The following ATP9B variants were observed in gnomAD, a reference collection of about 807,000 sequenced individuals.
The protein encoded by ATP9B is probable phospholipid-transporting ATPase IIB.
Under a neutral mutation model 146.1 loss-of-function variants are expected in ATP9B, and 110 were observed. The observed-to-expected ratio is 0.75, with a 90% confidence interval of 0.65 to 0.88. ATP9B has a LOEUF of 0.88. ATP9B is among the 40% of genes least tolerant of loss of function. The probability of loss-of-function intolerance (pLI) is 0.00; values close to 1 mark genes in which losing one functional copy is unlikely to be tolerated. For missense variants in ATP9B, 1,499 were observed against 1,496.4 expected (o/e 1.00, Z -0.03); for synonymous variants, 604 against 569.7 (o/e 1.06, Z -0.86).
At chr18:79,097,460 T>G (rs1244266470) in intron 2 of ATP9B, among the ~76,000 whole-genome samples, 1 of 151,544 alleles carries the variant, frequency 6.6e-6, no homozygotes, top group Non-Finnish European at 1.5e-5. Flanking sequence ...AAATAGGTAT[T>G]TTCTTTTTTT....
At position 79,159,733 on chromosome 18, in the gene ATP9B, G is replaced by T. The variant is rs1456513549; in HGVS notation, c.778+5178G>T. ...CCTATCTAGCTACCATCCCGTCTCT[G>T]TCCTTTGCTTTGCAGCCAAACCTTT... On this transcript the variant is annotated intron_variant, in intron 7 of 29. Transcript: ENST00000426216. 2.0e-5 allele frequency among the ~76,000 whole-genome samples: 3 copies of T among 152,244 alleles called. 1 individual carries two copies. The Middle Eastern group carries it at 0.01, about 518-fold the overall frequency.
rs111891467 is a variant in ATP9B, at chr18:79,327,906, C to A, written c.1774-1235C>A. The stretch of plus-strand genomic sequence containing the variant: ...GTGTGCTCTCCGTGGTTAGCGTGCT[C>A]TCCGTGGGTAGCGTGCTCTCTCTGG... On this transcript the variant is annotated intron_variant, in intron 15 of 29. Coordinates refer to ENST00000426216, the MANE Select transcript of ATP9B (RefSeq NM_198531.5). Among the ~76,000 whole-genome samples, 275 of 56,140 alleles carry A rather than the reference C, an allele frequency of 4.9e-3. 2 individuals are homozygous for A. The highest frequency in any genetic ancestry group is 8.6e-3 in the East Asian group (7 of 814). 36.8% of individuals were successfully genotyped at this position (56,140 alleles called of 152,430 possible).
At chr18:79,320,294 G>A (rs550089860) in intron 15 of ATP9B, among the ~76,000 whole-genome samples, 45 of 152,186 alleles carry the variant, frequency 3.0e-4, no homozygotes, top group Non-Finnish European at 5.1e-4. Flanking sequence ...AGAACGCAGC[G>A]GAGGCGCAGT....
Position 79,318,455 on chromosome 18 carries a change from C to T in ATP9B, c.1774-10686C>T, listed in dbSNP as rs150698355. Among the ~76,000 whole-genome samples the T allele has an allele frequency of 1.5e-4, 23 of 152,314 alleles. No individual in the cohort carries two copies. In the East Asian group the frequency reaches 3.7e-3, roughly 24 times the overall value. On this transcript the variant is annotated intron_variant, in intron 15 of 29. Coordinates refer to ENST00000426216, the MANE Select transcript of ATP9B (RefSeq NM_198531.5). The stretch of plus-strand genomic sequence containing the variant: ...AAACTGAGCGATACTTAACAAAATA[C>T]CCGACCAGTACTTCTCAAAACTGTG...
chr18:79,083,057 T>C (rs575402265), intron 1 of ATP9B, among the ~76,000 whole-genome samples: 2 of 152,344 alleles, frequency 1.3e-5, no homozygotes, highest in South Asian at 4.1e-4. Flanking sequence ...GTTTTATCTA[T>C]AAGCCCCTGA....
At chr18:79,344,902 G>A (rs539625015) in intron 21 of ATP9B, among the ~76,000 whole-genome samples, 36 of 152,296 alleles carry the variant, frequency 2.4e-4, no homozygotes, top group African/African-American at 7.0e-4. Flanking sequence ...CGTTTTCTTC[G>A]CACGGTGGCC....
chr18:79,111,278 A>G (rs1240142771), intron 3 of ATP9B, among the ~76,000 whole-genome samples: 1 of 152,098 alleles, frequency 6.6e-6, no homozygotes, highest in Non-Finnish European at 1.5e-5. Flanking sequence ...GGCATGTTTT[A>G]TGTCTTTTAT....
chr18:79,364,276 AAAAAG>A lies in ATP9B; in HGVS notation c.3012+4824_3012+4828del, dbSNP rs1262654742. 2.7e-3 allele frequency: 399 copies of A among 150,100 alleles called. 2 individuals are homozygous for A. Among genetic ancestry groups the A allele is most frequent in the African/African-American group, 9.1e-3 (374 of 40,974 alleles). The allele number at this position is 150,100 out of a possible 1,614,324, so 9.3% of individuals were successfully genotyped here. On this transcript the variant is annotated intron_variant, in intron 26 of 29. Coordinates refer to ENST00000426216, the MANE Select transcript of ATP9B (RefSeq NM_198531.5). ...GCGAAACTCCGTCTCAAAAAAAAAA[AAAAAG>A]AAAAGAAAAAAAAGAAAATAACAGA...
At position 79,097,758 on chromosome 18, in the gene ATP9B, T is replaced by G. The variant is rs1054054783; in HGVS notation, c.293+1109T>G. On this transcript the variant is annotated intron_variant, in intron 2 of 29. Transcript: ENST00000426216. The stretch of plus-strand genomic sequence containing the variant: ...TCCATGGTGTATATGTGCCACGTTT[T>G]CTTAATCCAGTCTATCATTGTTGGA... Among the ~76,000 whole-genome samples the G allele has an allele frequency of 9.6e-5, 14 of 145,488 alleles. 1 individual carries two copies. The highest frequency in any genetic ancestry group is 5.9e-4 in the East Asian group (3 of 5,092).
chr18:79,209,513 G>A lies in ATP9B; in HGVS notation c.1030+2501G>A, dbSNP rs535165596. 1.0e-4 allele frequency: 22 copies of A among 217,910 alleles called. No homozygotes were observed. In the East Asian group the frequency reaches 1.7e-3, roughly 16 times the overall value. The allele number at this position is 217,910 out of a possible 1,614,324, so 13.5% of individuals were successfully genotyped here. On this transcript the variant is annotated intron_variant, in intron 10 of 29. Transcript: ENST00000426216. The stretch of plus-strand genomic sequence containing the variant: ...TAAAGGCTTTTGAGACATCCCATAC[G>A]GTTCCCTGAACAAAGTTTTCTCTCC...
At position 79,069,410 on chromosome 18, in the gene ATP9B, C is replaced by A. The variant is rs952684755; in HGVS notation, c.-1C>A. On this transcript the variant is annotated 5_prime_UTR_variant, in exon 1 of 30. Coordinates refer to ENST00000426216, the MANE Select transcript of ATP9B (RefSeq NM_198531.5). ...AGGGGCGGGAAAGGGGCGGTCGGAA[C>A]ATGGCGGACCAGATCCCGCTTTACC... The A allele has an allele frequency of 1.9e-5, 29 of 1,506,486 alleles. No homozygotes were observed. The highest frequency in any genetic ancestry group is 2.9e-5 in the African/African-American group (2 of 69,200). 93.3% of individuals were successfully genotyped at this position (1,506,486 alleles called of 1,614,324 possible). A position where few individuals can be genotyped will look rare whatever the true frequency, so the allele number is the denominator to read the frequency against.
intron 26 of ATP9B, chr18:79,360,532 A>C (rs969516019): frequency 1.3e-5 from 2 of 152,214 alleles, no homozygotes; most frequent in African/African-American, 2.4e-5. Context: ...TAATACAGCT[A>C]ACCACTAACA....
chr18:79,344,442 C>T lies in ATP9B; in HGVS notation c.2472+88C>T, dbSNP rs750972382. 8.6e-7 allele frequency: 1 copy of T among 1,164,046 alleles called. No homozygotes were observed. Among genetic ancestry groups the T allele is most frequent in the South Asian group, 1.3e-5 (1 of 78,828 alleles). The allele number at this position is 1,164,046 out of a possible 1,614,324, so 72.1% of individuals were successfully genotyped here. ...GCTGAGTGTCTGTTTGTCTCTCAGGCAAGGCTGGACCCTGAGTGAGTACAT... is the reference window on the plus strand; with the variant it reads ...GCTGAGTGTCTGTTTGTCTCTCAGGTAAGGCTGGACCCTGAGTGAGTACAT... On this transcript the variant is annotated intron_variant, in intron 21 of 29. Transcript: ENST00000426216.
In ATP9B at chr18:79,345,710, T is replaced by C. The variant is rs114825096; in HGVS notation, c.2618-65T>C. On this transcript the variant is annotated intron_variant, in intron 22 of 29. Transcript: ENST00000426216. ...TGGAAGTTTCTGAAATAGCTTCTGA[T>C]GGTAAAAATGAAAAACGTGATGATG... 2.9e-3 allele frequency: 4,634 copies of C among 1,607,158 alleles called. 118 individuals carry two copies. In the African/African-American group the frequency reaches 0.055, roughly 19 times the overall value.
At chr18:79,120,214 C>T (rs568315648) in intron 4 of ATP9B, among the ~76,000 whole-genome samples, 1 of 152,148 alleles carries the variant, frequency 6.6e-6, no homozygotes, top group Admixed American at 6.5e-5. Context: ...ATCTTTTGTT[C>T]TCTAAGGTTC....
intron 13 of ATP9B, among the ~76,000 whole-genome samples, chr18:79,292,669 T>A (rs200344194): frequency 9.7e-5 from 14 of 143,976 alleles, no homozygotes; most frequent in Admixed American, 4.8e-4. Flanking sequence ...ATTTCTTCTT[T>A]AAAAAAAAAA....
chr18:79,235,497 A>G (rs999265718), intron 11 of ATP9B, among the ~76,000 whole-genome samples: 9 of 151,984 alleles, frequency 5.9e-5, no homozygotes, highest in African/African-American at 2.2e-4. Context: ...CGTAATAACA[A>G]TTATAATACT....
rs1438860531 is a variant in ATP9B at position 79,341,598 on chromosome 18, A to G, written c.2284-670A>G. ...CCTCGTTGAAGCCTGTGTTGCCGACACACCATTTAGTTGTGGTTGGATGTG... is the reference window on the plus strand; with the variant it reads ...CCTCGTTGAAGCCTGTGTTGCCGACGCACCATTTAGTTGTGGTTGGATGTG... On this transcript the variant is annotated intron_variant, in intron 19 of 29. Coordinates refer to ENST00000426216, the MANE Select transcript of ATP9B (RefSeq NM_198531.5). Among the ~76,000 whole-genome samples the G allele has an allele frequency of 8.6e-5, 12 of 139,972 alleles. No homozygotes were observed. In the Middle Eastern group the frequency reaches 0.013, roughly 152 times the overall value. 91.8% of individuals were successfully genotyped at this position (139,972 alleles called of 152,430 possible).
intron 15 of ATP9B, among the ~76,000 whole-genome samples, chr18:79,327,982 CTGGTTAGCGTGCTCTCCG>C (rs1555850951): frequency 6.4e-4 from 6 of 9,434 alleles, no homozygotes; most frequent in South Asian, 5.8e-3. Flanking sequence ...CGTGCTCTCT[CTGGTTAGCGTGCTCTCCG>C]TGGTTAGCGT....
Sources: gnomAD v4.1 joint callset for allele counts (sites outside exome capture counted in the v4.1 genomes callset) on GRCh38, gnomAD v4.1.1 for gene constraint, MANE v1.5 for transcripts, NCBI Gene and HGNC (gene_info 2026-07-23, HGNC 2026-07-21) for gene names.